PYGM: variants seen among roughly 807,000 people sequenced by gnomAD.
PYGM encodes glycogen phosphorylase, muscle associated.
Under a neutral mutation model 99.3 loss-of-function variants are expected in PYGM, and 81 were observed. That is an observed-to-expected ratio of 0.82 (90% CI 0.68 to 0.98). The LOEUF (loss-of-function observed/expected upper bound fraction) is 0.98. Among genes scored for constraint, PYGM ranks in the 50% least tolerant of loss-of-function variants. The probability of loss-of-function intolerance (pLI) is 0.00; values close to 1 mark genes in which losing one functional copy is unlikely to be tolerated. For synonymous variants in PYGM, 436 were observed against 451.5 expected (o/e 0.97, Z 0.44); for missense variants, 1,030 against 1,158.1 (o/e 0.89, Z 1.61).
At chr11:64,748,935 G>C (rs1040009793) in intron 17 of PYGM, 1 of 152,020 alleles carries the variant, frequency 6.6e-6, no homozygotes, top group African/African-American at 2.4e-5. Flanking sequence ...TGTAATCCCA[G>C]CTACTCGGGA....
chr11:64,749,389 TC>T lies in PYGM; in HGVS notation c.2177+986del, dbSNP rs2058337564. Among the ~76,000 whole-genome samples the T allele has an allele frequency of 3.4e-5, 5 of 145,140 alleles. No individual in the cohort carries two copies. The South Asian group carries it at 1.1e-3, about 32-fold the overall frequency. On this transcript the variant is annotated intron_variant, in intron 17 of 19. Transcript: ENST00000164139. ...CGGGCGCAGTGGCTCACGCCTGTAA[TC>T]CCAGCACTTTGGGAGGCCGAGGCAG... is the stretch of plus-strand genomic sequence containing the variant.
chr11:64,756,353 A>C (rs2058394403), intron 5 of PYGM, among the ~76,000 whole-genome samples: 1 of 152,170 alleles, frequency 6.6e-6, no homozygotes, highest in Admixed American at 6.5e-5. Context: ...ACAACAAACA[A>C]ATGCTCAGTT....
At position 64,750,642 on chromosome 11, in the gene PYGM, G is replaced by A; in HGVS notation, c.1970-59C>T. The A allele has an allele frequency of 2.6e-6, 4 of 1,544,514 alleles. No homozygotes were observed. The South Asian group carries it at 3.4e-5, about 13-fold the overall frequency. On this transcript the variant is annotated intron_variant, in intron 16 of 19. Coordinates refer to ENST00000164139, the MANE Select transcript of PYGM (RefSeq NM_005609.4). ...AGGGAAGACCCTCACACCAGCTGGG[G>A]ACTCTCAGATTAGGCTGGCCCCAGG...
rs571138623 is a variant in PYGM, at chr11:64,754,614, G to A, written c.999+79C>T. ...TCTCCACTCCCTTATCTATTACATG[G>A]GGCAGGCAGGCCGAGGCTGGAGGGA... On this transcript the variant is annotated intron_variant, in intron 8 of 19. Coordinates refer to ENST00000164139, the MANE Select transcript of PYGM (RefSeq NM_005609.4). This position sits in a 1 kb window ranked among gnomAD's most constrained non-coding sequence, Gnocchi z 5.5. 1.8e-4 allele frequency: 283 copies of A among 1,552,134 alleles called. 1 individual carries two copies. In the South Asian group the frequency reaches 3.1e-3, roughly 17 times the overall value.
At chr11:64,758,727 A>G (rs1592416023) in intron 1 of PYGM, 23 bp from the exon 2 acceptor site, 2 of 1,571,758 alleles carry the variant, frequency 1.3e-6, no homozygotes, top group Non-Finnish European at 1.8e-6. Context: ...ACGGATGGGC[A>G]GGGAATGGGG....
In PYGM at chr11:64,759,922, T is replaced by C. The variant is rs187457841; in HGVS notation, c.-24A>G. On this transcript the variant is annotated 5_prime_UTR_variant, in exon 1 of 20. Coordinates refer to ENST00000164139, the MANE Select transcript of PYGM (RefSeq NM_005609.4). ...ATGGCTGCAGGAGGGCGGGCCGGAC[T>C]GGACTGATGGTAGAGGGGACGGCGG... 2.2e-5 allele frequency: 36 copies of C among 1,612,986 alleles called. No homozygotes were observed. The Admixed American group carries it at 5.2e-4, about 23-fold the overall frequency.
At position 64,757,921 on chromosome 11, in the gene PYGM, G is replaced by A. The variant is rs1393653729; in HGVS notation, c.529-11C>T. 6.2e-7 allele frequency: 1 copy of A among 1,613,702 alleles called. No individual in the cohort carries two copies. The highest frequency in any genetic ancestry group is 1.3e-5 in the African/African-American group (1 of 74,934). ...ATCGGCCTCCTCCATCTGCACCCAAGGCAGGTCAGGGAGAAAGGCCAGCAG... is the reference window on the plus strand; with the variant it reads ...ATCGGCCTCCTCCATCTGCACCCAAAGCAGGTCAGGGAGAAAGGCCAGCAG... On this transcript the variant is annotated splice_polypyrimidine_tract_variant and intron_variant, in intron 4 of 19. Coordinates refer to ENST00000164139, the MANE Select transcript of PYGM (RefSeq NM_005609.4).
chr11:64,758,297 C>T lies in PYGM; in HGVS notation c.477G>A (p.Gly159=). ...ATLGLAAYGY[G]IRYEFGIFNQ... is the part of the protein sequence containing the mutation. ...TAAAAATCCCAAACTCATAGCGAAT[C>T]CCGTAGCCATAGGCGGCCAGGCCCA... The change falls in exon 4 of 20, where the codon GGG becomes GGA. Residue 159 remains glycine (G), a synonymous_variant. Coordinates refer to ENST00000164139, the MANE Select transcript of PYGM (RefSeq NM_005609.4). 6.2e-7 allele frequency: 1 copy of T among 1,614,178 alleles called. No homozygotes were observed. The highest frequency in any genetic ancestry group is 8.5e-7 in the Non-Finnish European group (1 of 1,180,018).
Position 64,752,448 on chromosome 11 carries a change from A to G in PYGM, c.1575T>C (p.Phe525=), listed in dbSNP as rs371787613. The G allele has an allele frequency of 3.7e-6, 6 of 1,614,070 alleles. No homozygotes were observed. Among genetic ancestry groups the G allele is most frequent in the African/African-American group, 1.3e-5 (1 of 74,922 alleles). The change falls in exon 13 of 20, where the codon TTT becomes TTC. Residue 525 remains phenylalanine, a synonymous_variant. Transcript: ENST00000164139. ...DLDQLRKLLS[F]VDDEAFIRDV... Reference sequence around the variant, plus strand: ...CCCGAATGAAAGCTTCATCATCCACAAAGGAGAGCAGTTTGCGCAGCTGGT... The same window carrying G: ...CCCGAATGAAAGCTTCATCATCCACGAAGGAGAGCAGTTTGCGCAGCTGGT...
Position 64,753,973 on chromosome 11 carries a change from G to T in PYGM, c.1145C>A (p.Pro382His). The T allele has an allele frequency of 6.2e-7, 1 of 1,606,304 alleles. No individual in the cohort carries two copies. The highest frequency in any genetic ancestry group is 8.5e-7 in the Non-Finnish European group (1 of 1,176,358). Residue 382 changes from proline (P) to histidine (H), a missense_variant, in exon 10 of 20, where the codon CCC (proline) becomes CAC (histidine). Transcript: ENST00000164139. ...TCAYTNHTVLPEALERWPVHL... is the reference protein window; with the variant it reads ...TCAYTNHTVLHEALERWPVHL... ...CACCGGCCAGCGCTCCAGGGCCTCG[G>T]GCAGCACCGTGTGGTTGGTGTAGGC...
At chr11:64,760,545 G>T (rs958384207), upstream of PYGM, among the ~76,000 whole-genome samples, 1 of 152,236 alleles carries the variant, frequency 6.6e-6, no homozygotes, top group African/African-American at 2.4e-5. Context: ...CCCTCAAGGA[G>T]CCCTGAAGTG....
rs764115501 is a variant in PYGM at position 64,753,619 on chromosome 11, C to G, written c.1303G>C (p.Gly435Arg). The change falls in exon 11 of 20, where the codon GGC becomes CGC. Residue 435 changes from glycine (G) to arginine (R), a missense_variant. Coordinates refer to ENST00000164139, the MANE Select transcript of PYGM (RefSeq NM_005609.4). The part of the protein sequence containing the change: ...RLRRMSLVEE[G>R]AVKRINMAHL... ...GCCATGTTGATGCGCTTCACTGCGC[C>G]CTCCTCCACCAGCGACATGCGCCGC... 1.2e-6 allele frequency: 2 copies of G among 1,608,854 alleles called. No individual in the cohort carries two copies. The highest frequency in any genetic ancestry group is 2.7e-5 in the African/African-American group (2 of 74,864).
Position 64,755,235 on chromosome 11 carries a change from A to T in PYGM, c.855+38T>A. 6.3e-7 allele frequency: 1 copy of T among 1,591,554 alleles called. No individual in the cohort carries two copies. Among genetic ancestry groups the T allele is most frequent in the Non-Finnish European group, 8.6e-7 (1 of 1,159,912 alleles). ...CTCTCCCTGACCCCTGCTGCCAAGG[A>T]CTCAGGCTTCCAGCCCCCAGCCCAG... is the stretch of plus-strand genomic sequence containing the variant. On this transcript the variant is annotated intron_variant, in intron 7 of 19. Coordinates refer to ENST00000164139, the MANE Select transcript of PYGM (RefSeq NM_005609.4). The surrounding 1 kb of genome is among the most constrained non-coding windows in gnomAD (Gnocchi z 4.1).
chr11:64,755,613 C>T lies in PYGM; in HGVS notation c.661-55G>A. ...CCAGCCCTGGCAATTGCCTCCCTCC[C>T]CTCAGGGCTGGGACTCAAGGCTTTA... On this transcript the variant is annotated intron_variant, in intron 5 of 19. Transcript: ENST00000164139. This position sits in a 1 kb window ranked among gnomAD's most constrained non-coding sequence, Gnocchi z 4.1. The T allele has an allele frequency of 7.1e-7, 1 of 1,410,014 alleles. No homozygotes were observed. 87.3% of individuals were successfully genotyped at this position (1,410,014 alleles called of 1,614,324 possible).
chr11:64,752,949 A>G (rs1296128003), intron 12 of PYGM, 124 bp downstream of exon 12: 11 of 929,388 alleles, frequency 1.2e-5, no homozygotes, highest in East Asian at 9.6e-5. Context: ...TGGGGAACAC[A>G]GTGCAGGAGG....
intron 17 of PYGM, chr11:64,747,934 G>A (rs1194261040): frequency 4.1e-5 from 7 of 169,418 alleles, no homozygotes; most frequent in Admixed American, 1.1e-4. Flanking sequence ...CCAGCTCCTC[G>A]GGAGGCTGAG....
intron 17 of PYGM, chr11:64,747,740 G>T: frequency 2.9e-6 from 1 of 340,450 alleles, no homozygotes; most frequent in Non-Finnish European, 5.8e-6. Flanking sequence ...CAGCTAACAG[G>T]TACAACCCTT....
At chr11:64,747,437 T>G in intron 17 of PYGM, 79 bp from the exon 18 acceptor site, 1 of 1,600,000 alleles carries the variant, frequency 6.3e-7, no homozygotes, top group Admixed American at 1.7e-5. Flanking sequence ...AGAAGTCCCA[T>G]GCCCCAGGGT....
chr11:64,754,812 G>A lies in PYGM; in HGVS notation c.880C>T (p.Leu294=), dbSNP rs1224113608. The change falls in exon 8 of 20, where the codon CTG becomes TTG. Residue 294 remains leucine (L), a synonymous_variant. Coordinates refer to ENST00000164139, the MANE Select transcript of PYGM (RefSeq NM_005609.4). This position sits in a 1 kb window ranked among gnomAD's most constrained non-coding sequence, Gnocchi z 5.5. The part of the protein sequence containing the change: ...DNFFEGKELR[L]KQEYFVVAAT... ...GCCACCACGAAATACTCCTGCTTCA[G>A]CCGCAGCTCCTTCCCTTCGAAGAAC... 6.2e-7 allele frequency: 1 copy of A among 1,613,976 alleles called. No individual in the cohort carries two copies. The highest frequency in any genetic ancestry group is 8.5e-7 in the Non-Finnish European group (1 of 1,180,008).
Sources: allele counts gnomAD v4.1 joint callset (sites outside exome capture counted in the v4.1 genomes callset), GRCh38; gene constraint gnomAD v4.1.1; non-coding constraint Gnocchi (gnomAD v3.1); transcripts MANE v1.5; gene names NCBI Gene and HGNC (gene_info 2026-07-23, HGNC 2026-07-21).